The following KMT2C variants were observed in gnomAD, a reference collection of about 807,000 sequenced individuals.
The protein encoded by KMT2C is histone-lysine N-methyltransferase 2C.
In KMT2C, 88 loss-of-function variants were observed where a neutral mutation model predicts 507.9. That is an observed-to-expected ratio of 0.17 (90% CI 0.15 to 0.21). KMT2C has a LOEUF of 0.21. KMT2C is among the 10% of genes least tolerant of loss of function. KMT2C has a pLI of 1.00. For synonymous variants in KMT2C, 2,049 were observed against 2,080.8 expected, an observed-to-expected ratio of 0.98 and a Z score of 0.42; for missense variants, 4,954 against 5,957.8, an observed-to-expected ratio of 0.83 and a Z score of 5.55.
At chr7:152,390,288 A>G (rs1389583969) in intron 1 of KMT2C, among the ~76,000 whole-genome samples, 4 of 152,308 alleles carry the variant, frequency 2.6e-5, no homozygotes, top group East Asian at 1.9e-4. Flanking sequence ...TCATTCTACC[A>G]TAAGTTGTCC....
At chr7:152,411,661 G>A (rs1304434764) in intron 1 of KMT2C, among the ~76,000 whole-genome samples, 1 of 152,134 alleles carries the variant, frequency 6.6e-6, no homozygotes, top group Non-Finnish European at 1.5e-5. Context: ...CCAGCCAGTG[G>A]AGAATGCCTC....
At chr7:152,282,873 AGTT>A (rs1490667609) in intron 6 of KMT2C, among the ~76,000 whole-genome samples, 1 of 152,110 alleles carries the variant, frequency 6.6e-6, no homozygotes, top group African/African-American at 2.4e-5. Context: ...AGAAAAATTA[AGTT>A]TTTTCTAGAA....
chr7:152,273,119 G>A (rs186491965), intron 7 of KMT2C, among the ~76,000 whole-genome samples: 11 of 152,102 alleles, frequency 7.2e-5, no homozygotes, highest in Admixed American at 2.0e-4. Context: ...TAAATTTCAC[G>A]CATTTAAACA....
chr7:152,343,282 G>A (rs1310265547), intron 2 of KMT2C, among the ~76,000 whole-genome samples: 2 of 152,044 alleles, frequency 1.3e-5, no homozygotes, highest in African/African-American at 2.4e-5. Context: ...CAGAGAACTC[G>A]AAATTCTAGA....
Position 152,244,537 on chromosome 7 carries a change from T to C in KMT2C, c.2532+3365A>G, listed in dbSNP as rs1490867839. ...ATCTCTATAAAAAAATAAAAAATAT[T>C]TTTAAATGCTGAAAAATGAAATACT... On this transcript the variant is annotated intron_variant, in intron 14 of 58. Transcript: ENST00000262189. 2.0e-5 allele frequency among the ~76,000 whole-genome samples: 3 copies of C among 152,242 alleles called. No homozygotes were observed. The East Asian group carries it at 5.8e-4, about 29-fold the overall frequency.
chr7:152,139,121 G>T, intron 57 of KMT2C, 65 bp downstream of exon 57: 1 of 1,489,732 alleles, frequency 6.7e-7, no homozygotes. Flanking sequence ...TGGCTTCAGT[G>T]TTCTCTCCAC....
At chr7:152,198,627 C>T (rs1480044960) in intron 27 of KMT2C, among the ~76,000 whole-genome samples, 1 of 152,152 alleles carries the variant, frequency 6.6e-6, no homozygotes, top group African/African-American at 2.4e-5. Context: ...ATCAAGTTCT[C>T]ATACCTTTCT....
At chr7:152,172,351 C>T (rs2093000789) in intron 39 of KMT2C, among the ~76,000 whole-genome samples, 1 of 152,134 alleles carries the variant, frequency 6.6e-6, no homozygotes, top group South Asian at 2.1e-4. Flanking sequence ...ATGCATGATG[C>T]TAAAAGAGCA....
chr7:152,337,796 T>C (rs935721631), intron 2 of KMT2C, among the ~76,000 whole-genome samples: 3 of 151,822 alleles, frequency 2.0e-5, no homozygotes, highest in Admixed American at 6.6e-5. Flanking sequence ...TGATGACCTC[T>C]ATCTACATTC....
rs560759149 is a variant in KMT2C, at chr7:152,273,793, A to G, written c.924T>C (p.Tyr308=). Reference sequence around the variant, plus strand: ...AGGTGCCGGCTCCTGCAGCACAAGGATAATGATACATCTGGGTACATTTCT... The same window carrying G: ...AGGTGCCGGCTCCTGCAGCACAAGGGTAATGATACATCTGGGTACATTTCT... ...CEEKCTQMYH[Y]PCAAGAGTFQ... The change falls in exon 7 of 59, where the codon TAT becomes TAC. Residue 308 remains tyrosine, a synonymous_variant. Coordinates refer to ENST00000262189, the MANE Select transcript of KMT2C (RefSeq NM_170606.3). The G allele has an allele frequency of 6.1e-5, 99 of 1,614,140 alleles. No homozygotes were observed. The African/African-American group carries it at 7.6e-4, about 12-fold the overall frequency.
chr7:152,279,218 T>C (rs2096151576), intron 6 of KMT2C, among the ~76,000 whole-genome samples: 1 of 152,210 alleles, frequency 6.6e-6, no homozygotes, highest in Admixed American at 6.5e-5. Flanking sequence ...GTCCTTTCTA[T>C]ATAACGGCAG....
In KMT2C at chr7:152,290,218, A is replaced by ATGTG. The variant is rs1453293217; in HGVS notation, c.850-16352_850-16351insCACA. Among the ~76,000 whole-genome samples, 49 of 108,742 alleles carry ATGTG rather than the reference A, an allele frequency of 4.5e-4. 1 individual carries two copies. Among genetic ancestry groups the ATGTG allele is most frequent in the East Asian group, 5.1e-4 (2 of 3,894 alleles). 71.3% of individuals were successfully genotyped at this position (108,742 alleles called of 152,430 possible). ...AGGTAGTCTAATAAATTTTATATAT[A>ATGTG]TATGTGTGTGTGTGTGTGTGTGTGT... On this transcript the variant is annotated intron_variant, in intron 6 of 58. Coordinates refer to ENST00000262189, the MANE Select transcript of KMT2C (RefSeq NM_170606.3).
rs1378676586 is a variant in KMT2C at position 152,205,136 on chromosome 7, T to C, written c.3931A>G (p.Ile1311Val). The C allele has an allele frequency of 5.0e-6, 8 of 1,612,714 alleles. No homozygotes were observed. The highest frequency in any genetic ancestry group is 1.1e-5 in the South Asian group (1 of 91,008). ...SVIRKDSSGSISEQLPCRDDG... is the reference protein window; with the variant it reads ...SVIRKDSSGSVSEQLPCRDDG... Reference sequence around the variant, plus strand: ...TCTCTGCAAGGTAACTGCTCGGAAATAGAGCCTGAGGAATCTTTTCTGATC... The same window carrying C: ...TCTCTGCAAGGTAACTGCTCGGAAACAGAGCCTGAGGAATCTTTTCTGATC... The change falls in exon 25 of 59, where the codon ATT becomes GTT. Residue 1311 changes from isoleucine to valine, a missense_variant. Physicochemically the swap from Ile to Val is conservative, Grantham distance 29 (BLOSUM62 3). Transcript: ENST00000262189.
chr7:152,206,701 G>C (rs1056119233), intron 24 of KMT2C, among the ~76,000 whole-genome samples: 1 of 152,114 alleles, frequency 6.6e-6, no homozygotes, highest in African/African-American at 2.4e-5. Context: ...TACAACTTCT[G>C]TATTGTGACA....
At chr7:152,334,322 C>T (rs1290329362) in intron 2 of KMT2C, among the ~76,000 whole-genome samples, 9 of 152,098 alleles carry the variant, frequency 5.9e-5, no homozygotes, top group South Asian at 2.1e-4. Context: ...CGAGGTGGTG[C>T]GTGCCTGTAA....
chr7:152,255,124 T>TATATATATATAC (rs2095631365), intron 9 of KMT2C, among the ~76,000 whole-genome samples: 2 of 113,212 alleles, frequency 1.8e-5, no homozygotes, highest in African/African-American at 9.5e-5. Context: ...TATATATATA[T>TATATATATATAC]ATATATATAT....
rs577879255 is a variant in KMT2C at position 152,301,227 on chromosome 7, G to A, written c.849+8739C>T. On this transcript the variant is annotated intron_variant, in intron 6 of 58. Coordinates refer to ENST00000262189, the MANE Select transcript of KMT2C (RefSeq NM_170606.3). ...AAAAAAAAAAAAAGAAAAGTTGGCC[G>A]GGTGTGATGGATCACACCTGTAGTC... 1.6e-3 allele frequency among the ~76,000 whole-genome samples: 238 copies of A among 151,428 alleles called. 2 individuals are homozygous for A. The highest frequency in any genetic ancestry group is 5.1e-3 in the Admixed American group (78 of 15,196).
chr7:152,334,106 A>C (rs965814678), intron 2 of KMT2C, among the ~76,000 whole-genome samples: 2 of 152,232 alleles, frequency 1.3e-5, no homozygotes, highest in African/African-American at 4.8e-5. Flanking sequence ...AAAGGTATTC[A>C]GATCAAGAAT....
At chr7:152,367,764 G>A in intron 1 of KMT2C, 2 of 1,025,022 alleles carry the variant, frequency 2.0e-6, no homozygotes, top group East Asian at 2.4e-5. Context: ...TAGTAAATCT[G>A]AGGACTACCT....
Sources: gnomAD v4.1 joint callset for allele counts (sites outside exome capture counted in the v4.1 genomes callset) on GRCh38, gnomAD v4.1.1 for gene constraint, MANE v1.5 for transcripts, NCBI Gene and HGNC (gene_info 2026-07-23, HGNC 2026-07-21) for gene names.